SLC44A1: variants seen among roughly 807,000 people sequenced by gnomAD.
SLC44A1 encodes solute carrier family 44 member 1.
In SLC44A1, 26 loss-of-function variants were observed where a neutral mutation model predicts 79.3. The ratio of observed to expected loss-of-function variants is 0.33; its 90% confidence interval spans 0.24 to 0.46. The LOEUF is 0.46. Among genes scored for constraint, SLC44A1 ranks in the 20% least tolerant of loss-of-function variants. The pLI is 1.00. For synonymous variants in SLC44A1, 263 were observed against 286.2 expected, an observed-to-expected ratio of 0.92 and a Z score of 0.82; for missense variants, 688 against 798.1, an observed-to-expected ratio of 0.86 and a Z score of 1.66.
downstream of SLC44A1, among the ~76,000 whole-genome samples, chr9:105,397,508 C>T (rs1195064498): frequency 2.0e-5 from 3 of 152,130 alleles, no homozygotes; most frequent in Non-Finnish European, 2.9e-5. Flanking sequence ...CTGGGGGCTT[C>T]GGAATAGCAA....
intron 3 of SLC44A1, among the ~76,000 whole-genome samples, chr9:105,324,175 G>A (rs1488484735): frequency 6.7e-6 from 1 of 150,208 alleles, no homozygotes; most frequent in Non-Finnish European, 1.5e-5. Flanking sequence ...CTAATTTTTT[G>A]TATGTGTTAG....
At chr9:105,415,837 G>A (rs1403890450) in intron 15 of SLC44A1, among the ~76,000 whole-genome samples, 4 of 149,220 alleles carry the variant, frequency 2.7e-5, no homozygotes, top group East Asian at 2.0e-4. Context: ...GAATGTTCCC[G>A]TTTTACGTTC....
intron 15 of SLC44A1, among the ~76,000 whole-genome samples, chr9:105,415,533 G>T (rs1829156390): frequency 6.6e-6 from 1 of 152,208 alleles, no homozygotes; most frequent in Admixed American, 6.5e-5. Flanking sequence ...AGGATTTTGG[G>T]GTGGTCGTCC....
At chr9:105,411,566 G>A (rs1387742750) in intron 15 of SLC44A1, among the ~76,000 whole-genome samples, 1 of 149,458 alleles carries the variant, frequency 6.7e-6, no homozygotes, top group African/African-American at 2.5e-5. Flanking sequence ...TTTTTTTCTG[G>A]TCAACAATCC....
chr9:105,386,086 A>T (rs1692902543), intron 15 of SLC44A1: 1 of 985,182 alleles, frequency 1.0e-6, no homozygotes, highest in Non-Finnish European at 1.2e-6. Flanking sequence ...CCACTCAGTA[A>T]GACAATCTAG....
chr9:105,347,777 C>T (rs1371382087), intron 4 of SLC44A1, among the ~76,000 whole-genome samples: 1 of 151,934 alleles, frequency 6.6e-6, no homozygotes, highest in Non-Finnish European at 1.5e-5. Flanking sequence ...AGTTTATTTA[C>T]AGTTAGGAAT....
chr9:105,287,568 T>C (rs1830506126), intron 1 of SLC44A1, among the ~76,000 whole-genome samples: 1 of 152,188 alleles, frequency 6.6e-6, no homozygotes, highest in Non-Finnish European at 1.5e-5. Flanking sequence ...TGTATCCCAC[T>C]AGGAAAGGAC....
chr9:105,438,130 C>G, intron 15 of SLC44A1: 9 of 495,394 alleles, frequency 1.8e-5, no homozygotes, highest in South Asian at 1.3e-4. Flanking sequence ...ATTTGTTAAT[C>G]TGTGTGTGTG....
intron 9 of SLC44A1, among the ~76,000 whole-genome samples, chr9:105,363,952 A>G (rs577959970): frequency 7.9e-5 from 12 of 152,344 alleles, no homozygotes; most frequent in Non-Finnish European, 1.0e-4. Flanking sequence ...AATCCCAGGT[A>G]TAGCCAAGGA....
At position 105,389,983 on chromosome 9, in the gene SLC44A1, G is replaced by A. The variant is rs1402944223; in HGVS notation, c.*927G>A. On this transcript the variant is annotated 3_prime_UTR_variant, in exon 16 of 16. Coordinates refer to ENST00000374720, the MANE Select transcript of SLC44A1 (RefSeq NM_080546.5). ...TTGAAAATTCCGGTGCTTGGGCTTC[G>A]GCTTCAGAGTAACGTCAGTGGCTTA... The A allele has an allele frequency of 2.1e-5, 31 of 1,454,332 alleles. No individual in the cohort carries two copies. The highest frequency in any genetic ancestry group is 1.0e-4 in the South Asian group (7 of 66,786). The allele number at this position is 1,454,332 out of a possible 1,614,324, so 90.1% of individuals were successfully genotyped here. A position where few individuals can be genotyped will look rare whatever the true frequency, so the allele number is the denominator to read the frequency against.
In SLC44A1 at chr9:105,393,210, C is replaced by T; in HGVS notation, c.*4154C>T. 3.0e-6 allele frequency: 3 copies of T among 985,438 alleles called. No individual in the cohort carries two copies. The highest frequency in any genetic ancestry group is 1.7e-5 in the African/African-American group (1 of 57,362). 61.0% of individuals were successfully genotyped at this position (985,438 alleles called of 1,614,324 possible). On this transcript the variant is annotated 3_prime_UTR_variant, in exon 16 of 16. Transcript: ENST00000374720. ...CGTAGGCTGCCTTTTGCTTTAAATGCATATTCATGTATCTTTGTGTGCTAA... is the reference window on the plus strand; with the variant it reads ...CGTAGGCTGCCTTTTGCTTTAAATGTATATTCATGTATCTTTGTGTGCTAA...
chr9:105,289,223 C>T (rs10991608), intron 1 of SLC44A1, among the ~76,000 whole-genome samples: 2,063 of 152,222 alleles, frequency 0.014, 40 homozygotes, highest in African/African-American at 0.046. Context: ...GTGCTAACTG[C>T]GGTAACTATT....
chr9:105,251,757 G>C (rs1011531486), intron 1 of SLC44A1, among the ~76,000 whole-genome samples: 2 of 152,150 alleles, frequency 1.3e-5, no homozygotes, highest in Non-Finnish European at 2.9e-5. Context: ...CCTGGCTTTT[G>C]GCTGGTTGCT....
intron 1 of SLC44A1, among the ~76,000 whole-genome samples, chr9:105,266,499 G>A (rs1829964962): frequency 6.6e-6 from 1 of 152,156 alleles, no homozygotes; most frequent in Non-Finnish European, 1.5e-5. Context: ...TTGAGGTACA[G>A]GTTGAGTTGG....
chr9:105,286,126 AT>A (rs1353751026), intron 1 of SLC44A1, among the ~76,000 whole-genome samples: 1 of 152,290 alleles, frequency 6.6e-6, no homozygotes, highest in African/African-American at 2.4e-5. Context: ...TTTTAGATAA[AT>A]TAAGCTGTAG....
chr9:105,348,666 T>A (rs1484963121), intron 5 of SLC44A1, among the ~76,000 whole-genome samples: 2 of 152,128 alleles, frequency 1.3e-5, no homozygotes, highest in African/African-American at 4.8e-5. Flanking sequence ...TTCTGACATA[T>A]TTTAAATTTC....
chr9:105,329,131 G>A (rs1186533805), intron 3 of SLC44A1, among the ~76,000 whole-genome samples: 3 of 152,146 alleles, frequency 2.0e-5, no homozygotes, highest in Admixed American at 6.6e-5. Context: ...GCAAGCCTCC[G>A]CTAGGCTGTC....
chr9:105,322,441 T>G (rs1826423251), intron 3 of SLC44A1, among the ~76,000 whole-genome samples: 1 of 152,210 alleles, frequency 6.6e-6, no homozygotes, highest in Non-Finnish European at 1.5e-5. Context: ...TGTTGGCAGT[T>G]AGCATACTAG....
At chr9:105,279,938 A>G (rs189677113) in intron 1 of SLC44A1, among the ~76,000 whole-genome samples, 61 of 152,338 alleles carry the variant, frequency 4.0e-4, no homozygotes, top group Admixed American at 7.2e-4. Flanking sequence ...AAAAAATCCC[A>G]TTTATCAAAG....
Sources: gnomAD v4.1 joint callset for allele counts (sites outside exome capture counted in the v4.1 genomes callset) on GRCh38, gnomAD v4.1.1 for gene constraint, MANE v1.5 for transcripts, NCBI Gene and HGNC (gene_info 2026-07-23, HGNC 2026-07-21) for gene names.